ZBTB20: variants seen among roughly 807,000 people sequenced by gnomAD.
ZBTB20 encodes zinc finger and BTB domain containing 20.
ZBTB20 carries 9 observed loss-of-function variants against 56.9 expected under a neutral mutation model. The ratio of observed to expected loss-of-function variants is 0.16; its 90% CI spans 0.10 to 0.28. ZBTB20 has a LOEUF of 0.28. Ranked by LOEUF, ZBTB20 falls within the 10% of genes least tolerant of loss-of-function variation. The pLI, the probability that ZBTB20 is intolerant of heterozygous loss-of-function variation, is 1.00. For missense variants in ZBTB20, 655 were observed against 1,003.0 expected (o/e 0.65, Z 4.69); for synonymous variants, 417 against 420.7 (o/e 0.99, Z 0.11).
chr3:114,893,045 C>A (rs1012556215), intron 4 of ZBTB20, among the ~76,000 whole-genome samples: 1 of 152,176 alleles, frequency 6.6e-6, no homozygotes, highest in African/African-American at 2.4e-5. Flanking sequence ...TCATTGGGTA[C>A]AGCACATTTA....
chr3:114,817,232 T>C (rs879770726), intron 4 of ZBTB20, among the ~76,000 whole-genome samples: 96 of 121,040 alleles, frequency 7.9e-4, no homozygotes, highest in Non-Finnish European at 9.7e-4. Context: ...CACACACACA[T>C]AATAAATTGG....
intron 4 of ZBTB20, among the ~76,000 whole-genome samples, chr3:114,858,060 G>A (rs1356706056): frequency 6.6e-6 from 1 of 152,180 alleles, no homozygotes; most frequent in African/African-American, 2.4e-5. Flanking sequence ...CAGTGCATTT[G>A]TCAAAGAAAG....
chr3:114,416,792 A>G (rs2088607901), intron 7 of ZBTB20, among the ~76,000 whole-genome samples: 1 of 152,130 alleles, frequency 6.6e-6, no homozygotes, highest in Non-Finnish European at 1.5e-5. Flanking sequence ...TAGAGTCCCA[A>G]GCCCAGGAAT....
Position 114,734,805 on chromosome 3 carries a change from C to A in ZBTB20, c.-342-41230G>T, listed in dbSNP as rs1396602245. 3.3e-5 allele frequency among the ~76,000 whole-genome samples: 5 copies of A among 152,214 alleles called. No individual in the cohort carries two copies. In the South Asian group the frequency reaches 1.0e-3, roughly 32 times the overall value. ...GGTCATGAGTGGATGGAGCCTATCT[C>A]AGCAGCTCAGGGACTGGTAAGGTGG... On this transcript the variant is annotated intron_variant, in intron 5 of 11. Transcript: ENST00000675478.
At chr3:114,568,680 C>T (rs1423248244) in intron 6 of ZBTB20, among the ~76,000 whole-genome samples, 1 of 152,136 alleles carries the variant, frequency 6.6e-6, no homozygotes, top group African/African-American at 2.4e-5. Flanking sequence ...GTTATCAATA[C>T]TTGATTCAAG....
chr3:114,575,414 T>C (rs142630191), intron 6 of ZBTB20, among the ~76,000 whole-genome samples: 2,586 of 152,266 alleles, frequency 0.017, 23 homozygotes, highest in Middle Eastern at 0.085. Flanking sequence ...CTAATCTATA[T>C]TGTTTTATTT....
At chr3:114,778,207 G>T (rs1441424202) in intron 5 of ZBTB20, among the ~76,000 whole-genome samples, 1 of 148,252 alleles carries the variant, frequency 6.7e-6, no homozygotes, top group East Asian at 2.0e-4. Flanking sequence ...TAACAAACCT[G>T]CACGTTGTGC....
At chr3:115,138,927 T>G (rs79418908) in intron 1 of ZBTB20, among the ~76,000 whole-genome samples, 1 of 152,000 alleles carries the variant, frequency 6.6e-6, no homozygotes, top group African/African-American at 2.4e-5. Context: ...TTCTTCAATA[T>G]GTATACTGGG....
At chr3:114,840,534 T>A (rs1314201551) in intron 4 of ZBTB20, among the ~76,000 whole-genome samples, 1 of 152,210 alleles carries the variant, frequency 6.6e-6, no homozygotes, top group African/African-American at 2.4e-5. Context: ...TAGTTTCTAA[T>A]AGAGAAATAA....
intron 6 of ZBTB20, among the ~76,000 whole-genome samples, chr3:114,678,494 T>C (rs1014825907): frequency 2.0e-5 from 3 of 152,154 alleles, no homozygotes; most frequent in Non-Finnish European, 4.4e-5. Context: ...AGGTACCATT[T>C]TGACTGTGCT....
At chr3:115,040,612 G>C (rs536062262) in intron 2 of ZBTB20, among the ~76,000 whole-genome samples, 2 of 152,252 alleles carry the variant, frequency 1.3e-5, no homozygotes, top group East Asian at 1.9e-4. Context: ...TATGGAAAGA[G>C]TGAAAATAAG....
chr3:114,485,058 C>G (rs1188776158), intron 7 of ZBTB20, among the ~76,000 whole-genome samples: 1 of 152,202 alleles, frequency 6.6e-6, no homozygotes, highest in African/African-American at 2.4e-5. Context: ...CTCCTGCATA[C>G]AGCCAGTCCT....
chr3:114,853,592 CTTGTAAGGTGTCCTG>C (rs1474965317), intron 4 of ZBTB20, among the ~76,000 whole-genome samples: 1 of 152,192 alleles, frequency 6.6e-6, no homozygotes, highest in Non-Finnish European at 1.5e-5. Flanking sequence ...GGACTAATCC[CTTGTAAGGTGTCCTG>C]TTGTAAGGTG....
chr3:114,945,270 A>C (rs2076847280), intron 3 of ZBTB20, among the ~76,000 whole-genome samples: 1 of 145,832 alleles, frequency 6.9e-6, no homozygotes, highest in Non-Finnish European at 1.5e-5. Flanking sequence ...TCATACTATA[A>C]AGAATACTAA....
intron 5 of ZBTB20, among the ~76,000 whole-genome samples, chr3:114,787,492 A>G (rs764477649): frequency 1.3e-5 from 2 of 151,504 alleles, no homozygotes; most frequent in Middle Eastern, 3.4e-3. Context: ...ACACGTATAC[A>G]TATATATCCA....
chr3:114,883,439 C>T (rs1448076248), intron 4 of ZBTB20, among the ~76,000 whole-genome samples: 1 of 152,174 alleles, frequency 6.6e-6, no homozygotes, highest in Admixed American at 6.5e-5. Context: ...CAACTTAAAG[C>T]CACAACCACG....
At chr3:114,928,262 T>G (rs538594806) in intron 3 of ZBTB20, among the ~76,000 whole-genome samples, 1 of 152,356 alleles carries the variant, frequency 6.6e-6, no homozygotes, top group African/African-American at 2.4e-5. Flanking sequence ...CATTTCAGGC[T>G]TAGCCGTTTC....
chr3:114,919,052 G>A (rs994672809), intron 3 of ZBTB20, among the ~76,000 whole-genome samples: 2 of 151,888 alleles, frequency 1.3e-5, no homozygotes, highest in Non-Finnish European at 2.9e-5. Context: ...CCACTGGGAT[G>A]GACAATTTCT....
chr3:114,536,969 A>G (rs892976043), intron 6 of ZBTB20, among the ~76,000 whole-genome samples: 1 of 152,152 alleles, frequency 6.6e-6, no homozygotes, highest in Admixed American at 6.5e-5. Context: ...CCTTCCTTAC[A>G]CCTTATACAA....
Sources: allele counts gnomAD v4.1 joint callset (sites outside exome capture counted in the v4.1 genomes callset), GRCh38; gene constraint gnomAD v4.1.1; transcripts MANE v1.5; gene names NCBI Gene and HGNC (gene_info 2026-07-23, HGNC 2026-07-21).